The following MYH1 variants were observed in gnomAD, a reference collection of about 807,000 sequenced individuals.
The protein encoded by MYH1 is myosin-1.
MYH1 carries 214 observed loss-of-function variants against 225.6 expected under a neutral mutation model. The ratio of observed to expected loss-of-function variants is 0.95; its 90% confidence interval spans 0.85 to 1.06. The LOEUF (loss-of-function observed/expected upper bound fraction) is 1.06, where lower values mean the gene tolerates loss of function less well. Among genes scored for constraint, MYH1 ranks in the 50% least tolerant of loss-of-function variants. The pLI, the probability that MYH1 is intolerant of heterozygous loss-of-function variation, is 0.00. For synonymous variants in MYH1, 774 were observed against 842.3 expected (o/e 0.92, Z 1.40); for missense variants, 2,098 against 2,344.2 (o/e 0.89, Z 2.17).
intron 22 of MYH1, among the ~76,000 whole-genome samples, chr17:10,504,267 A>G (rs946229481): frequency 6.6e-6 from 1 of 152,236 alleles, no homozygotes; most frequent in African/African-American, 2.4e-5. Flanking sequence ...CATACTTTGC[A>G]TAAAAATAGA....
At position 10,515,750 on chromosome 17, in the gene MYH1, G is replaced by A. The variant is rs2073218990; in HGVS notation, c.505+176C>T. The stretch of plus-strand genomic sequence containing the variant: ...AGTAAAGTCAGTGAGGTGTAATCAG[G>A]AGAGCTGTGTTTTAATACGAGCTTT... On this transcript the variant is annotated intron_variant, in intron 5 of 39. Coordinates refer to ENST00000226207, the MANE Select transcript of MYH1 (RefSeq NM_005963.4). Among the ~76,000 whole-genome samples the A allele has an allele frequency of 5.3e-5, 8 of 152,316 alleles. No homozygotes were observed. The South Asian group carries it at 1.7e-3, about 32-fold the overall frequency.
chr17:10,498,244 CTG>C (rs1347216622), intron 30 of MYH1, among the ~76,000 whole-genome samples: 1 of 152,164 alleles, frequency 6.6e-6, no homozygotes, highest in Non-Finnish European at 1.5e-5. Context: ...GTTTGTTTTT[CTG>C]TGTCTCCACA....
At chr17:10,506,381 AT>A (rs1234304658) in intron 17 of MYH1, among the ~76,000 whole-genome samples, 1 of 152,150 alleles carries the variant, frequency 6.6e-6, no homozygotes, top group African/African-American at 2.4e-5. Flanking sequence ...GACACTCTAA[AT>A]ATATGGAAAT....
intron 2 of MYH1, among the ~76,000 whole-genome samples, chr17:10,517,007 A>G (rs1398858535): frequency 6.6e-6 from 1 of 152,214 alleles, no homozygotes; most frequent in East Asian, 1.9e-4. Context: ...TAAAGCTATA[A>G]TGGTGGCAGG....
Position 10,507,974 on chromosome 17 carries a change from G to A in MYH1, c.1898-18C>T, listed in dbSNP as rs1299598990. 6 of 1,595,306 alleles carry A rather than the reference G, an allele frequency of 3.8e-6. 1 individual carries two copies. The highest frequency in any genetic ancestry group is 1.7e-5 in the Admixed American group (1 of 59,758). ...GCCAGCCTCTGAGGGGAAAAAGAAA[G>A]CAATCATAGGACAGCCTTTCTCTGG... On this transcript the variant is annotated intron_variant, in intron 16 of 39. Transcript: ENST00000226207.
At chr17:10,517,455 C>T (rs1245374635) in intron 2 of MYH1, among the ~76,000 whole-genome samples, 4 of 152,114 alleles carry the variant, frequency 2.6e-5, no homozygotes, top group African/African-American at 4.8e-5. Flanking sequence ...CTATTATTAA[C>T]ATTTTTATAA....
In MYH1 at chr17:10,505,045, T is replaced by C; in HGVS notation, c.2456A>G (p.Gln819Arg). 1 of 1,614,196 alleles carries C rather than the reference T, an allele frequency of 6.2e-7. No individual in the cohort carries two copies. The highest frequency in any genetic ancestry group is 8.5e-7 in the Non-Finnish European group (1 of 1,180,034). The part of the protein sequence containing the change: ...VERRESIFCI[Q>R]YNVRAFMNVK... ...ATTCATGAAGGCACGGACATTGTAC[T>C]GGATGCAGAAGATGGACTCTCTGTC... The change falls in exon 22 of 40, where the codon CAG becomes CGG. Residue 819 changes from glutamine (Q) to arginine (R), a missense_variant. By Grantham distance (43) the Gln-to-Arg change is conservative. Coordinates refer to ENST00000226207, the MANE Select transcript of MYH1 (RefSeq NM_005963.4).
intron 7 of MYH1, 48 bp downstream of exon 7, chr17:10,513,962 C>T (rs368074671): frequency 4.3e-6 from 7 of 1,613,772 alleles, no homozygotes; most frequent in Non-Finnish European, 5.1e-6. Flanking sequence ...GAATTTCCTA[C>T]CTGAGAGTCC....
intron 14 of MYH1, among the ~76,000 whole-genome samples, chr17:10,510,583 C>T (rs1273464960): frequency 6.6e-6 from 1 of 152,098 alleles, no homozygotes; most frequent in Non-Finnish European, 1.5e-5. Flanking sequence ...TACATAGAAA[C>T]ACAATTGAGG....
chr17:10,507,617 C>T (rs1055018334), intron 17 of MYH1, among the ~76,000 whole-genome samples: 15 of 152,126 alleles, frequency 9.9e-5, no homozygotes, highest in Non-Finnish European at 1.0e-4. Flanking sequence ...GCCCCAGAAT[C>T]GAATTTTGCC....
chr17:10,514,070 A>G lies in MYH1; in HGVS notation c.588T>C (p.Phe196=), dbSNP rs762553484. Residue 196 remains phenylalanine, a synonymous_variant, in exon 7 of 40, where the codon TTT becomes TTC. Transcript: ENST00000226207. Reference sequence around the variant, plus strand: ...TCTCCCCAGTAACTGCAATTGTTGCAAAGTACTGGATGACACGCTTGGTGT... The same window carrying G: ...TCTCCCCAGTAACTGCAATTGTTGCGAAGTACTGGATGACACGCTTGGTGT... ...TVNTKRVIQY[F]ATIAVTGEKK... is the part of the protein sequence containing the mutation. 1 of 1,614,200 alleles carries G rather than the reference A, an allele frequency of 6.2e-7. No homozygotes were observed. The highest frequency in any genetic ancestry group is 8.5e-7 in the Non-Finnish European group (1 of 1,180,014).
intron 24 of MYH1, among the ~76,000 whole-genome samples, chr17:10,502,230 C>CCAAAT (rs781065759): frequency 4.4e-4 from 67 of 152,166 alleles, no homozygotes; most frequent in Non-Finnish European, 8.1e-4. Context: ...ACTTTTTTAA[C>CCAAAT]GCCTCCCTTA....
rs778208902 is a variant in MYH1 at position 10,504,867 on chromosome 17, T to C, written c.2634A>G (p.Glu878=). The change falls in exon 22 of 40, where the codon GAA becomes GAG. Residue 878 remains glutamate (E), a synonymous_variant. Transcript: ENST00000226207. The part of the protein sequence containing the change: ...AKTEAKRKEL[E]EKMVTLMQEK... Reference sequence around the variant, plus strand: ...CTTGCATCAGAGTAACCATTTTTTCTTCCAGCTCTTTCCTTTTTGCCTCGG... The same window carrying C: ...CTTGCATCAGAGTAACCATTTTTTCCTCCAGCTCTTTCCTTTTTGCCTCGG... 1 of 1,614,198 alleles carries C rather than the reference T, an allele frequency of 6.2e-7. No individual in the cohort carries two copies. Among genetic ancestry groups the C allele is most frequent in the Non-Finnish European group, 8.5e-7 (1 of 1,180,028 alleles).
chr17:10,495,871 T>A (rs556647449), intron 35 of MYH1, 79 bp downstream of exon 35: 1 of 1,535,868 alleles, frequency 6.5e-7, no homozygotes, highest in African/African-American at 1.4e-5. Context: ...ATAAATAGAT[T>A]TCTTAATAGT....
chr17:10,512,673 T>C lies in MYH1; in HGVS notation c.1008+8A>G. The C allele has an allele frequency of 6.2e-7, 1 of 1,613,488 alleles. No homozygotes were observed. Among genetic ancestry groups the C allele is most frequent in the African/African-American group, 1.3e-5 (1 of 75,044 alleles). ...TGGATTTTAAATTAAAATTCATGTA[T>C]AACTTACATCTGTAGCCATCAACTC... On this transcript the variant is annotated splice_region_variant and intron_variant, in intron 11 of 39. Transcript: ENST00000226207.
intron 35 of MYH1, among the ~76,000 whole-genome samples, 180 bp downstream of exon 35, chr17:10,495,770 A>AAAAAAAAAAAAAAAAAAAAC (rs2072984589): frequency 6.7e-6 from 1 of 149,534 alleles, no homozygotes; most frequent in Non-Finnish European, 1.5e-5. Flanking sequence ...CAAAAAAAAA[A>AAAAAAAAAAAAAAAAAAAAC]AAAAAATCAA....
At chr17:10,502,458 C>CCTGTTTTG (rs2073068623) in intron 24 of MYH1, among the ~76,000 whole-genome samples, 1 of 152,180 alleles carries the variant, frequency 6.6e-6, no homozygotes, top group Non-Finnish European at 1.5e-5. Flanking sequence ...CAGCGAAAGA[C>CCTGTTTTG]CTGTTTTGCT....
At position 10,509,616 on chromosome 17, in the gene MYH1, C is replaced by A; in HGVS notation, c.1456G>T (p.Glu486Ter). 1 of 1,614,192 alleles carries A rather than the reference C, an allele frequency of 6.2e-7. No homozygotes were observed. Among genetic ancestry groups the A allele is most frequent in the East Asian group, 2.2e-5 (1 of 44,874 alleles). Residue 486 changes from glutamate to a stop codon, truncating the protein, a stop_gained, in exon 15 of 40, where the codon GAG (glutamate) becomes TAG (stop). Coordinates refer to ENST00000226207, the MANE Select transcript of MYH1 (RefSeq NM_005963.4). LOFTEE classifies it high-confidence loss of function. ...TGGTTGAAAAACTGTTGCAGTTTCT[C>A]ATTGGTGAAGTTGATGCACAGCTGC... is the stretch of plus-strand genomic sequence containing the variant. ...LEQLCINFTN[E>*]KLQQFFNHHM...
chr17:10,504,948 C>G lies in MYH1; in HGVS notation c.2553G>C (p.Lys851Asn). The change falls in exon 22 of 40, where the codon AAG becomes AAC. Residue 851 changes from lysine (K) to asparagine (N), a missense_variant. Coordinates refer to ENST00000226207, the MANE Select transcript of MYH1 (RefSeq NM_005963.4). ...ATTCTTCCTTCATGTTGGCCATCTC[C>G]TTCTCTGTCTCTGCACTTTTGAGGA... ...KPLLKSAETEKEMANMKEEFE... is the reference protein window; with the variant it reads ...KPLLKSAETENEMANMKEEFE... The G allele has an allele frequency of 6.2e-7, 1 of 1,614,116 alleles. No homozygotes were observed.
Sources: gnomAD v4.1 joint callset for allele counts (sites outside exome capture counted in the v4.1 genomes callset) on GRCh38, gnomAD v4.1.1 for gene constraint, MANE v1.5 for transcripts, NCBI Gene and HGNC (gene_info 2026-07-23, HGNC 2026-07-21) for gene names.